PCDH9: variants seen among roughly 807,000 people sequenced by gnomAD.
The protein encoded by PCDH9 is protocadherin-9.
A neutral mutation model predicts 70.6 loss-of-function variants in PCDH9; 24 were observed. That is an observed-to-expected ratio of 0.34 (90% CI 0.25 to 0.48). The LOEUF is 0.48. Ranked by LOEUF, PCDH9 falls within the 20% of genes least tolerant of loss-of-function variation. The pLI, the probability that PCDH9 is intolerant of heterozygous loss-of-function variation, is 0.99. For synonymous variants in PCDH9, 562 were observed against 558.5 expected, an observed-to-expected ratio of 1.01 and a Z score of -0.09; for missense variants, 1,281 against 1,503.6, an observed-to-expected ratio of 0.85 and a Z score of 2.45.
intron 4 of PCDH9, among the ~76,000 whole-genome samples, chr13:66,615,105 G>A (rs527995763): frequency 9.2e-5 from 14 of 152,292 alleles, no homozygotes; most frequent in African/African-American, 2.2e-4. Context: ...AATTGTGGGC[G>A]CTAAGAACAT....
chr13:67,030,271 C>G (rs987720639), intron 2 of PCDH9, among the ~76,000 whole-genome samples: 2 of 152,056 alleles, frequency 1.3e-5, no homozygotes, highest in African/African-American at 4.8e-5. Flanking sequence ...TCTAGCAATT[C>G]AGAATTCTTA....
intron 4 of PCDH9, among the ~76,000 whole-genome samples, chr13:66,344,176 C>T (rs972490396): frequency 2.6e-5 from 4 of 151,986 alleles, no homozygotes; most frequent in Admixed American, 2.0e-4. Context: ...GAGTTTTGCT[C>T]TTGTTGCCCA....
chr13:66,989,848 A>G (rs952877575), intron 2 of PCDH9, among the ~76,000 whole-genome samples: 2 of 151,886 alleles, frequency 1.3e-5, no homozygotes, highest in Non-Finnish European at 2.9e-5. Context: ...ACAAAAAGGT[A>G]TATTTCCTCA....
chr13:66,420,983 A>T (rs1957556193), intron 4 of PCDH9, among the ~76,000 whole-genome samples: 1 of 152,068 alleles, frequency 6.6e-6, no homozygotes, highest in South Asian at 2.1e-4. Context: ...TATAGACAAG[A>T]ACATAAATGA....
chr13:66,749,375 A>C (rs2079422628), intron 3 of PCDH9, among the ~76,000 whole-genome samples: 1 of 152,180 alleles, frequency 6.6e-6, no homozygotes, highest in Non-Finnish European at 1.5e-5. Flanking sequence ...GAGGAATAAC[A>C]ACAAATACTA....
At chr13:66,961,530 A>G (rs1195211977) in intron 2 of PCDH9, among the ~76,000 whole-genome samples, 1 of 152,168 alleles carries the variant, frequency 6.6e-6, no homozygotes, top group African/African-American at 2.4e-5. Flanking sequence ...ATGGTGGCTC[A>G]GGTCTATAAT....
At chr13:67,202,056 C>T (rs2089226580) in intron 2 of PCDH9, 1 of 151,452 alleles carries the variant, frequency 6.6e-6, no homozygotes, top group Non-Finnish European at 1.5e-5. Flanking sequence ...TATAAATTAT[C>T]AAGTTTTTTT....
intron 2 of PCDH9, among the ~76,000 whole-genome samples, chr13:67,145,281 CT>C (rs2087494726): frequency 6.6e-6 from 1 of 152,010 alleles, no homozygotes; most frequent in African/African-American, 2.4e-5. Flanking sequence ...ATGATTTAGT[CT>C]GAACAAGATG....
intron 4 of PCDH9, among the ~76,000 whole-genome samples, chr13:66,512,282 T>TTATATATATATATATATATATATATA (rs35496834): frequency 4.2e-4 from 61 of 144,376 alleles, no homozygotes; most frequent in East Asian, 1.4e-3. Context: ...ACCTTAGGAA[T>TTATATATATATATATATATATATATA]TATATATATA....
At chr13:66,728,468 T>C (rs774734762) in intron 3 of PCDH9, among the ~76,000 whole-genome samples, 6 of 152,098 alleles carry the variant, frequency 3.9e-5, no homozygotes, top group Admixed American at 2.0e-4. Flanking sequence ...CCATAATTAT[T>C]AGTTTTAGTG....
At chr13:66,889,547 T>G (rs902589755) in intron 3 of PCDH9, among the ~76,000 whole-genome samples, 1 of 152,192 alleles carries the variant, frequency 6.6e-6, no homozygotes, top group Non-Finnish European at 1.5e-5. Flanking sequence ...GAAACACTTA[T>G]GATTCCTGTT....
intron 3 of PCDH9, among the ~76,000 whole-genome samples, chr13:66,797,572 C>T (rs2080263011): frequency 6.6e-6 from 1 of 152,086 alleles, no homozygotes; most frequent in African/African-American, 2.4e-5. Flanking sequence ...GTAGATAAAT[C>T]GCTAAGTGCA....
intron 3 of PCDH9, among the ~76,000 whole-genome samples, chr13:66,735,837 G>A (rs879937668): frequency 1.3e-4 from 19 of 151,894 alleles, no homozygotes; most frequent in Non-Finnish European, 2.2e-4. Flanking sequence ...GGTGGTGCAC[G>A]CCTGTAATCC....
chr13:66,358,595 A>T (rs2138188287), intron 4 of PCDH9, among the ~76,000 whole-genome samples: 1 of 152,136 alleles, frequency 6.6e-6, no homozygotes, highest in African/African-American at 2.4e-5. Flanking sequence ...GCTTATCAGG[A>T]TTGAACCTAC....
At chr13:66,364,639 A>G (rs1956524230) in intron 4 of PCDH9, among the ~76,000 whole-genome samples, 1 of 152,196 alleles carries the variant, frequency 6.6e-6, no homozygotes, top group Non-Finnish European at 1.5e-5. Context: ...CTAGAAATAC[A>G]TTACCAGTGT....
At chr13:66,391,927 A>G (rs1340349708) in intron 4 of PCDH9, among the ~76,000 whole-genome samples, 1 of 147,648 alleles carries the variant, frequency 6.8e-6, no homozygotes, top group African/African-American at 2.5e-5. Flanking sequence ...CATACACACA[A>G]TCACACATAG....
In PCDH9 at chr13:66,735,963, C is replaced by CA. The variant is rs562159046; in HGVS notation, c.3139-104553dup. ...TGGATGACAGAGTGAGATTCTGTCT[C>CA]AAAAAAAAAAAATTAAAGATTAAAG... On this transcript the variant is annotated intron_variant, in intron 3 of 4. Transcript: ENST00000377865. Among the ~76,000 whole-genome samples, 702 of 127,796 alleles carry CA rather than the reference C, an allele frequency of 5.5e-3. 6 individuals are homozygous for CA. The highest frequency in any genetic ancestry group is 0.016 in the African/African-American group (538 of 34,582). The allele number at this position is 127,796 out of a possible 152,430, so 83.8% of individuals were successfully genotyped here.
At chr13:66,366,535 A>G (rs1255887386) in intron 4 of PCDH9, among the ~76,000 whole-genome samples, 1 of 152,012 alleles carries the variant, frequency 6.6e-6, no homozygotes, top group African/African-American at 2.4e-5. Context: ...TCTTGTTTGT[A>G]AAATTGAACT....
At chr13:67,089,080 C>G (rs2086165563) in intron 2 of PCDH9, among the ~76,000 whole-genome samples, 1 of 151,958 alleles carries the variant, frequency 6.6e-6, no homozygotes, top group Non-Finnish European at 1.5e-5. Flanking sequence ...TTATTTCTGA[C>G]TACACATATC....
Sources: allele counts gnomAD v4.1 joint callset (sites outside exome capture counted in the v4.1 genomes callset), GRCh38; gene constraint gnomAD v4.1.1; transcripts MANE v1.5; gene names NCBI Gene and HGNC (gene_info 2026-07-23, HGNC 2026-07-21).